NPAS1: variants seen among roughly 807,000 people sequenced by gnomAD.
NPAS1 encodes the protein neuronal PAS domain-containing protein 1.
In NPAS1, 29 loss-of-function variants were observed where a neutral mutation model predicts 49.2. The ratio of observed to expected loss-of-function variants is 0.59; its 90% CI spans 0.44 to 0.80. NPAS1 has a LOEUF of 0.80. Among genes scored for constraint, NPAS1 ranks in the 30% least tolerant of loss-of-function variants. The probability of loss-of-function intolerance (pLI) is 0.00; values close to 1 mark genes in which losing one functional copy is unlikely to be tolerated. For missense variants in NPAS1, 825 were observed against 835.5 expected, an observed-to-expected ratio of 0.99 and a Z score of 0.15; for synonymous variants, 408 against 380.4, an observed-to-expected ratio of 1.07 and a Z score of -0.84.
At position 47,039,139 on chromosome 19, in the gene NPAS1, C is replaced by T; in HGVS notation, c.792C>T (p.Ala264=). The T allele has an allele frequency of 6.2e-7, 1 of 1,610,248 alleles. No homozygotes were observed. Among genetic ancestry groups the T allele is most frequent in the Non-Finnish European group, 8.5e-7 (1 of 1,177,972 alleles). Residue 264 remains alanine (A), a synonymous_variant, in exon 7 of 12, where the codon GCC becomes GCT. Coordinates refer to ENST00000602212, the MANE Select transcript of NPAS1 (RefSeq NM_002517.4). The stretch of plus-strand genomic sequence containing the variant: ...CCAAGAGGGGGCTGCACGTCAAGGC[C>T]TCAGGGTACAAGGTGGGTGTGAGCA... ...TLTKRGLHVK[A]SGYKVIHVTG... is the part of the protein sequence containing the mutation.
chr19:47,037,872 T>G (rs1003640232), intron 6 of NPAS1, among the ~76,000 whole-genome samples: 4 of 152,182 alleles, frequency 2.6e-5, no homozygotes, highest in African/African-American at 9.7e-5. Context: ...TCTGGATTTG[T>G]GAGTCTTATT....
At chr19:47,033,814 C>G in intron 5 of NPAS1, among the ~76,000 whole-genome samples, 1 of 136,496 alleles carries the variant, frequency 7.3e-6, no homozygotes, top group Admixed American at 7.5e-5. Flanking sequence ...ACCATCTCTA[C>G]AAAAAAACTT....
intron 6 of NPAS1, among the ~76,000 whole-genome samples, chr19:47,037,870 T>A (rs2056974345): frequency 1.3e-5 from 2 of 152,136 alleles, no homozygotes; most frequent in Non-Finnish European, 2.9e-5. Context: ...GATCTGGATT[T>A]GTGAGTCTTA....
In NPAS1 at chr19:47,021,650, C is replaced by A; in HGVS notation, c.161C>A (p.Ala54Glu). 6.4e-7 allele frequency: 1 copy of A among 1,552,342 alleles called. No individual in the cohort carries two copies. Among genetic ancestry groups the A allele is most frequent in the Non-Finnish European group, 8.7e-7 (1 of 1,150,528 alleles). Residue 54 changes from alanine (A) to glutamate (E), a missense_variant, in exon 3 of 12, where the codon GCG becomes GAG. Physicochemically the swap from Ala to Glu is moderately radical, Grantham distance 107. Coordinates refer to ENST00000602212, the MANE Select transcript of NPAS1 (RefSeq NM_002517.4). This position sits in a 1 kb window ranked among gnomAD's most constrained non-coding sequence, Gnocchi z 5.7. ...CGCAAGGAGAAGTCCCGGAACGCGG[C>A]GCGCTCGCGGCGCGGGAAGGAGAAC... ...AQRKEKSRNAARSRRGKENLE... is the reference protein window; with the variant it reads ...AQRKEKSRNAERSRRGKENLE...
At position 47,036,009 on chromosome 19, in the gene NPAS1, G is replaced by GA; in HGVS notation, c.569dup (p.Asp190GlufsTer108). ...CGTCTTCGACTACATTCACCCTGGGGACCACTCAGAGGTGCTGGAGCAACT... is the reference window on the plus strand; with the variant it reads ...CGTCTTCGACTACATTCACCCTGGGGAACCACTCAGAGGTGCTGGAGCAACT... On this transcript the variant is annotated frameshift_variant, in exon 6 of 12. Coordinates refer to ENST00000602212, the MANE Select transcript of NPAS1 (RefSeq NM_002517.4). LOFTEE classifies it high-confidence loss of function. 6.3e-7 allele frequency: 1 copy of GA among 1,584,120 alleles called. No homozygotes were observed. The highest frequency in any genetic ancestry group is 8.6e-7 in the Non-Finnish European group (1 of 1,166,902).
intron 5 of NPAS1, 83 bp downstream of exon 5, chr19:47,032,815 C>A: frequency 2.0e-6 from 2 of 1,000,218 alleles, no homozygotes; most frequent in South Asian, 2.6e-5. Context: ...CTCTCCTGGT[C>A]TCACCATAGC....
In NPAS1 at chr19:47,045,682, G is replaced by A; in HGVS notation, c.*31G>A. ...GGCAGAGCTGCCGGCGCCGGACCCT[G>A]CGACAACCGGGGTCCCCCAGGACAG... On this transcript the variant is annotated 3_prime_UTR_variant, in exon 12 of 12. Coordinates refer to ENST00000602212, the MANE Select transcript of NPAS1 (RefSeq NM_002517.4). 7.2e-7 allele frequency: 1 copy of A among 1,390,270 alleles called. No individual in the cohort carries two copies. The allele number at this position is 1,390,270 out of a possible 1,614,324, so 86.1% of individuals were successfully genotyped here.
intron 3 of NPAS1, among the ~76,000 whole-genome samples, chr19:47,024,049 G>A (rs934999110): frequency 2.0e-5 from 3 of 149,466 alleles, no homozygotes; most frequent in African/African-American, 7.4e-5. Flanking sequence ...AGATTGCAGT[G>A]AGCCGAGATC....
At position 47,027,703 on chromosome 19, in the gene NPAS1, C is replaced by CCCCTTCTCTCTGCCCCTGGTCT; in HGVS notation, c.359-4571_359-4550dup. On this transcript the variant is annotated intron_variant, in intron 3 of 11. Transcript: ENST00000602212. ...GGTCTCCTGTCTGTCTGCCCCTGGTCCCCTTCTCTCTGCCCCTGGTCTCCC... is the reference window on the plus strand; with the variant it reads ...GGTCTCCTGTCTGTCTGCCCCTGGTCCCCTTCTCTCTGCCCCTGGTCTCCCTTCTCTCTGCCCCTGGTCTCCC... Among the ~76,000 whole-genome samples the CCCCTTCTCTCTGCCCCTGGTCT allele has an allele frequency of 9.1e-5, 2 of 21,902 alleles. 1 individual carries two copies. The highest frequency in any genetic ancestry group is 1.1e-3 in the Admixed American group (2 of 1,894). The allele number at this position is 21,902 out of a possible 152,430, so 14.4% of individuals were successfully genotyped here.
chr19:47,038,055 G>C (rs1283243038), intron 6 of NPAS1, among the ~76,000 whole-genome samples: 1 of 152,180 alleles, frequency 6.6e-6, no homozygotes, highest in African/African-American at 2.4e-5. Flanking sequence ...GGGGAACCCA[G>C]AGGGGATGGC....
At position 47,045,430 on chromosome 19, in the gene NPAS1, G is replaced by C. The variant is rs1568513284; in HGVS notation, c.1552G>C (p.Asp518His). The change falls in exon 12 of 12, where the codon GAC (aspartate) becomes CAC (histidine). Residue 518 changes from aspartate (D) to histidine (H), a missense_variant. Transcript: ENST00000602212. ...VRPWGLAPPG[D>H]PPPTLLHAGF... ...GCCATGGGGCCTGGCGCCTCCCGGG[G>C]ACCCCCCGCCCACCCTCCTGCACGC... 1 of 1,605,064 alleles carries C rather than the reference G, an allele frequency of 6.2e-7. No individual in the cohort carries two copies. The highest frequency in any genetic ancestry group is 8.5e-7 in the Non-Finnish European group (1 of 1,176,628).
At chr19:47,027,743 C>T (rs908251355) in intron 3 of NPAS1, among the ~76,000 whole-genome samples, 10 of 151,748 alleles carry the variant, frequency 6.6e-5, no homozygotes, top group African/African-American at 2.4e-4. Flanking sequence ...CTCTGCTCCT[C>T]GTGCTCCCTC....
chr19:47,045,304 G>T lies in NPAS1; in HGVS notation c.1426G>T (p.Glu476Ter). The T allele has an allele frequency of 6.2e-7, 1 of 1,614,050 alleles. No homozygotes were observed. The highest frequency in any genetic ancestry group is 8.5e-7 in the Non-Finnish European group (1 of 1,180,030). Residue 476 changes from glutamate to a stop codon, truncating the protein, a stop_gained, in exon 12 of 12, where the codon GAG (glutamate) becomes TAG (stop). Transcript: ENST00000602212. LOFTEE classifies it low-confidence loss of function (END_TRUNC). ...EPGPRETKGSEDSGDEDPSSH... is the reference protein window; with the variant it reads ...EPGPRETKGS Reference sequence around the variant, plus strand: ...CGGCCCGAGGGAAACCAAAGGCTCCGAGGACAGTGGCGACGAGGATCCCTC... The same window carrying T: ...CGGCCCGAGGGAAACCAAAGGCTCCTAGGACAGTGGCGACGAGGATCCCTC...
In NPAS1 at chr19:47,041,035, G is replaced by A. The variant is rs2057015623; in HGVS notation, c.1127G>A (p.Gly376Asp). Residue 376 changes from glycine (G) to aspartate (D), a missense_variant, in exon 10 of 12, where the codon GGC becomes GAC. Physicochemically the swap from Gly to Asp is moderately conservative, Grantham distance 94. Coordinates refer to ENST00000602212, the MANE Select transcript of NPAS1 (RefSeq NM_002517.4). ...GYYRWLQRAG[G>D]FVWLQSVATV... The stretch of plus-strand genomic sequence containing the variant: ...TACCGTTGGCTGCAGCGTGCCGGGG[G>A]CTTCGTGTGGCTGCAGTCTGTGGCC... 6.3e-7 allele frequency: 1 copy of A among 1,575,082 alleles called. No homozygotes were observed. The highest frequency in any genetic ancestry group is 8.6e-7 in the Non-Finnish European group (1 of 1,163,296).
Position 47,039,114 on chromosome 19 carries a change from C to T in NPAS1, c.767C>T (p.Thr256Ile). 1 of 1,613,536 alleles carries T rather than the reference C, an allele frequency of 6.2e-7. No homozygotes were observed. Among genetic ancestry groups the T allele is most frequent in the Non-Finnish European group, 8.5e-7 (1 of 1,179,708 alleles). The change falls in exon 7 of 12, where the codon ACC becomes ATC. Residue 256 changes from threonine (T) to isoleucine (I), a missense_variant. Physicochemically the swap from Thr to Ile is moderately conservative, Grantham distance 89. Coordinates refer to ENST00000602212, the MANE Select transcript of NPAS1 (RefSeq NM_002517.4). ...SFFVRMKSTLTKRGLHVKASG... is the reference protein window; with the variant it reads ...SFFVRMKSTLIKRGLHVKASG... ...TTTGTCCGCATGAAATCCACGCTCA[C>T]CAAGAGGGGGCTGCACGTCAAGGCC...
chr19:47,041,067 G>T lies in NPAS1; in HGVS notation c.1159G>T (p.Ala387Ser), dbSNP rs1479655782. Residue 387 changes from alanine (A) to serine (S), a missense_variant, in exon 10 of 12, where the codon GCT (alanine) becomes TCT (serine). Transcript: ENST00000602212. Reference sequence around the variant, plus strand: ...GTGGCTGCAGTCTGTGGCCACAGTGGCTGGGAGCGGGAAGAGCCCCGGGGA... The same window carrying T: ...GTGGCTGCAGTCTGTGGCCACAGTGTCTGGGAGCGGGAAGAGCCCCGGGGA... ...FVWLQSVATV[A>S]GSGKSPGEHH... 1.3e-6 allele frequency: 2 copies of T among 1,596,112 alleles called. No homozygotes were observed. The highest frequency in any genetic ancestry group is 2.7e-5 in the African/African-American group (2 of 74,706).
In NPAS1 at chr19:47,045,386, T is replaced by C; in HGVS notation, c.1508T>C (p.Leu503Pro). ...ACCTCTGTCATCCGGGCAGGGGTCC[T>C]GAAGCAGGATCCGGTGCGGCCATGG... is the stretch of plus-strand genomic sequence containing the variant. Reference protein sequence around the residue: ...EFTSVIRAGVLKQDPVRPWGL... With the variant: ...EFTSVIRAGVPKQDPVRPWGL... Residue 503 changes from leucine (L) to proline (P), a missense_variant, in exon 12 of 12, where the codon CTG becomes CCG. Transcript: ENST00000602212. 6.2e-7 allele frequency: 1 copy of C among 1,613,000 alleles called. No homozygotes were observed. The highest frequency in any genetic ancestry group is 8.5e-7 in the Non-Finnish European group (1 of 1,179,712).
At chr19:47,037,332 C>T (rs192470518) in intron 6 of NPAS1, among the ~76,000 whole-genome samples, 15 of 103,168 alleles carry the variant, frequency 1.5e-4, no homozygotes, top group Non-Finnish European at 2.3e-4. Flanking sequence ...AGTGAGACTC[C>T]GTCTCCAAAA....
intron 6 of NPAS1, among the ~76,000 whole-genome samples, chr19:47,037,955 C>T (rs1233234941): frequency 6.6e-6 from 1 of 152,216 alleles, no homozygotes; most frequent in Non-Finnish European, 1.5e-5. Flanking sequence ...ATGACAGCTC[C>T]AGCCCCACCC....
Sources: allele counts gnomAD v4.1 joint callset (sites outside exome capture counted in the v4.1 genomes callset), GRCh38; gene constraint gnomAD v4.1.1; non-coding constraint Gnocchi (gnomAD v3.1); transcripts MANE v1.5; gene names NCBI Gene and HGNC (gene_info 2026-07-23, HGNC 2026-07-21).